Variants in ASB15 observed in about 807,000 individuals in gnomAD.
ASB15 encodes the protein ankyrin repeat and SOCS box containing 15, also known as ankyrin repeat and SOCS box protein 15.
In ASB15, 54 loss-of-function variants were observed where a neutral mutation model predicts 58.0. The ratio of observed to expected loss-of-function variants is 0.93; its 90% CI spans 0.75 to 1.17. The LOEUF is 1.17. Ranked by LOEUF, ASB15 falls within the 50% of genes most tolerant of loss-of-function variation. The pLI is 0.00. For synonymous variants in ASB15, 249 were observed against 262.4 expected (o/e 0.95, Z 0.50); for missense variants, 680 against 707.4 (o/e 0.96, Z 0.44).
chr7:123,572,320 T>C (rs960087088), intron 1 of ASB15, among the ~76,000 whole-genome samples: 3 of 151,588 alleles, frequency 2.0e-5, no homozygotes, highest in Admixed American at 6.6e-5. Flanking sequence ...TTTTGTATTT[T>C]TAGTAGAGAC....
intron 11 of ASB15, among the ~76,000 whole-genome samples, chr7:123,630,526 A>G (rs1041575629): frequency 1.3e-5 from 2 of 152,202 alleles, no homozygotes; most frequent in Non-Finnish European, 2.9e-5. Flanking sequence ...AACAGCAGGG[A>G]TTAGAATTAC....
intron 1 of ASB15, among the ~76,000 whole-genome samples, chr7:123,567,802 C>T (rs1367456378): frequency 6.6e-6 from 1 of 151,984 alleles, no homozygotes; most frequent in East Asian, 1.9e-4. Context: ...ATTATTTCCT[C>T]TCTCAACCTT....
At chr7:123,636,592 A>G (rs927139411) in intron 11 of ASB15, among the ~76,000 whole-genome samples, 1 of 152,224 alleles carries the variant, frequency 6.6e-6, no homozygotes, top group Non-Finnish European at 1.5e-5. Context: ...CCTGGCACAG[A>G]GACAGACTAA....
In ASB15 at chr7:123,629,373, G is replaced by A. The variant is rs1026801680; in HGVS notation, c.1379G>A (p.Trp460Ter). The A allele has an allele frequency of 1.9e-6, 3 of 1,613,886 alleles. No homozygotes were observed. Among genetic ancestry groups the A allele is most frequent in the Non-Finnish European group, 2.5e-6 (3 of 1,179,976 alleles). Reference protein sequence around the residue: ...HGDIFGNSFVWSEIQEEVLPG... With the variant: ...HGDIFGNSFV Reference sequence around the variant, plus strand: ...GACATCTTTGGAAATTCATTTGTGTGGTCAGAGATACAGGAAGAGGTGCTG... The same window carrying A: ...GACATCTTTGGAAATTCATTTGTGTAGTCAGAGATACAGGAAGAGGTGCTG... The change falls in exon 10 of 12, where the codon TGG (tryptophan) becomes TAG (stop). Residue 460 changes from tryptophan to a stop codon, truncating the protein, a stop_gained. Transcript: ENST00000451215. LOFTEE classifies it high-confidence loss of function.
intron 1 of ASB15, among the ~76,000 whole-genome samples, chr7:123,602,492 A>G (rs1177240167): frequency 6.6e-6 from 1 of 152,116 alleles, no homozygotes; most frequent in Non-Finnish European, 1.5e-5. Context: ...TTGTTCTTAA[A>G]TGCACAGTTA....
intron 7 of ASB15, among the ~76,000 whole-genome samples, chr7:123,620,549 TA>T: frequency 4.3e-5 from 1 of 23,478 alleles, no homozygotes; most frequent in Non-Finnish European, 8.0e-5. Context: ...TATATATATA[TA>T]TATATTTTTT....
chr7:123,601,562 G>A (rs1408003899), upstream of ASB15, among the ~76,000 whole-genome samples: 6 of 152,128 alleles, frequency 3.9e-5, no homozygotes, highest in Non-Finnish European at 8.8e-5. Context: ...TAAATTGTGC[G>A]TTAATTCCAA....
rs184985381 is a variant in ASB15 at position 123,592,314 on chromosome 7, T to C, written c.-442-11718T>C. On this transcript the variant is annotated intron_variant, in intron 1 of 13. Coordinates refer to the ASB15 transcript ENST00000451558. ...GTTCTGCTCCGATCTTAGTTATTTC[T>C]TGTCTTCTGCTAGCTTTTGAATTTG... Among the ~76,000 whole-genome samples, 917 of 152,342 alleles carry C rather than the reference T, an allele frequency of 6.0e-3. 11 individuals carry two copies. The highest frequency in any genetic ancestry group is 8.8e-3 in the Non-Finnish European group (596 of 68,032).
chr7:123,618,872 A>AC (rs1042512621), intron 7 of ASB15, among the ~76,000 whole-genome samples: 2 of 151,846 alleles, frequency 1.3e-5, no homozygotes, highest in Non-Finnish European at 2.9e-5. Context: ...TCAATGTAAA[A>AC]AACGTATTAA....
At chr7:123,603,186 A>G (rs1227691128) in intron 1 of ASB15, among the ~76,000 whole-genome samples, 3 of 152,206 alleles carry the variant, frequency 2.0e-5, no homozygotes, top group Non-Finnish European at 2.9e-5. Flanking sequence ...TCTAAAATAC[A>G]TTATTTAAAG....
intron 3 of ASB15, among the ~76,000 whole-genome samples, chr7:123,613,677 G>T (rs1390767075): frequency 6.6e-6 from 1 of 152,104 alleles, no homozygotes; most frequent in African/African-American, 2.4e-5. Flanking sequence ...AAGTTAAAAT[G>T]GTCCTTATAA....
intron 1 of ASB15, among the ~76,000 whole-genome samples, chr7:123,594,656 C>G (rs1383785934): frequency 7.2e-5 from 11 of 152,170 alleles, no homozygotes. Flanking sequence ...CCTCTGGAAG[C>G]TTCGTCCCAG....
intron 11 of ASB15, among the ~76,000 whole-genome samples, chr7:123,631,211 T>C (rs1045929833): frequency 2.0e-5 from 3 of 152,198 alleles, no homozygotes; most frequent in African/African-American, 7.2e-5. Context: ...TTATTCTTCT[T>C]ATGCCTAGGT....
In ASB15 at chr7:123,585,450, C is replaced by T. The variant is rs1799349716; in HGVS notation, c.-443+18362C>T. ...ATATTGCTGGATTAACATCAGCACC[C>T]TTTGACCTGGATTTCTTACTTACGT... On this transcript the variant is annotated intron_variant, in intron 1 of 13. Transcript: ENST00000451558. Among the ~76,000 whole-genome samples, 3 of 151,710 alleles carry T rather than the reference C, an allele frequency of 2.0e-5. No individual in the cohort carries two copies. In the South Asian group the frequency reaches 6.2e-4, roughly 31 times the overall value.
At chr7:123,580,600 A>G (rs1000780770) in intron 1 of ASB15, among the ~76,000 whole-genome samples, 1 of 152,078 alleles carries the variant, frequency 6.6e-6, no homozygotes, top group African/African-American at 2.4e-5. Flanking sequence ...GAACTGCATC[A>G]TATGGCACCT....
intron 1 of ASB15, among the ~76,000 whole-genome samples, chr7:123,578,536 G>T (rs568844047): frequency 6.6e-6 from 1 of 151,932 alleles, no homozygotes; most frequent in East Asian, 1.9e-4. Context: ...TGCAAGCTCA[G>T]TTAATTTCAG....
chr7:123,634,727 A>C (rs1802321801), intron 11 of ASB15, among the ~76,000 whole-genome samples: 1 of 152,240 alleles, frequency 6.6e-6, no homozygotes, highest in Admixed American at 6.5e-5. Flanking sequence ...CCTTTATAAA[A>C]GTATTCTAAA....
chr7:123,621,084 T>C (rs1343703334), intron 7 of ASB15, among the ~76,000 whole-genome samples: 4 of 152,216 alleles, frequency 2.6e-5, no homozygotes, highest in African/African-American at 9.6e-5. Context: ...CTCCTTGTTT[T>C]CTTTTGGCCT....
Position 123,629,423 on chromosome 7 carries a change from A to G in ASB15, c.1429A>G (p.Lys477Glu). 6.2e-7 allele frequency: 1 copy of G among 1,606,440 alleles called. No individual in the cohort carries two copies. The highest frequency in any genetic ancestry group is 8.5e-7 in the Non-Finnish European group (1 of 1,177,348). ...GCCAGGATGGACATCTTGTGTAATA[A>G]AAGATAACCCGGTGAGTTATGCCTT... ...VLPGWTSCVI[K>E]DNPFCEFITV... Residue 477 changes from lysine to glutamate, a missense_variant, in exon 10 of 12, where the codon AAA (lysine) becomes GAA (glutamate). Transcript: ENST00000451215.
Sources: gnomAD v4.1 joint callset for allele counts (sites outside exome capture counted in the v4.1 genomes callset) on GRCh38, gnomAD v4.1.1 for gene constraint, MANE v1.5 for transcripts, NCBI Gene and HGNC (gene_info 2026-07-23, HGNC 2026-07-21) for gene names.